The following GPD2 variants were observed in gnomAD, a reference collection of about 807,000 sequenced individuals.
GPD2 encodes the protein glycerol-3-phosphate dehydrogenase 2.
GPD2 carries 54 observed loss-of-function variants against 82.4 expected under a neutral mutation model. That is an observed-to-expected ratio of 0.66 (90% CI 0.53 to 0.82). The LOEUF is 0.82. Among genes scored for constraint, GPD2 ranks in the 40% least tolerant of loss-of-function variants. The pLI is 0.00. For synonymous variants in GPD2, 288 were observed against 306.1 expected (o/e 0.94, Z 0.62); for missense variants, 748 against 896.2 (o/e 0.83, Z 2.11).
intron 3 of GPD2, among the ~76,000 whole-genome samples, chr2:156,498,693 G>A (rs942727440): frequency 6.6e-6 from 1 of 152,072 alleles, no homozygotes; most frequent in African/African-American, 2.4e-5. Context: ...ATGGATACAC[G>A]ATACTGAAGG....
At chr2:156,429,806 C>T in the GPD2 span, among the ~76,000 whole-genome samples, 1 of 152,040 alleles carries the variant, frequency 6.6e-6, no homozygotes. Context: ...GTTAAGAATT[C>T]GTGTATCAAG....
chr2:156,515,294 TG>T (rs1012638327), intron 6 of GPD2, among the ~76,000 whole-genome samples: 14 of 151,008 alleles, frequency 9.3e-5, no homozygotes, highest in Non-Finnish European at 1.5e-4. Context: ...CCCAGCTACT[TG>T]GGGGGCTGAG....
At chr2:156,552,096 C>T (rs895408338) in intron 8 of GPD2, among the ~76,000 whole-genome samples, 1 of 152,144 alleles carries the variant, frequency 6.6e-6, no homozygotes, top group Admixed American at 6.5e-5. Context: ...CTAAGATGCA[C>T]CTAATTGGTA....
intron 1 of GPD2, among the ~76,000 whole-genome samples, chr2:156,456,094 T>C (rs910710964): frequency 6.6e-6 from 1 of 152,212 alleles, no homozygotes; most frequent in African/African-American, 2.4e-5. Context: ...CTTTTACTGC[T>C]TGATTTATCC....
At chr2:156,408,172 C>A in the GPD2 span, among the ~76,000 whole-genome samples, 1 of 151,860 alleles carries the variant, frequency 6.6e-6, no homozygotes, top group East Asian at 1.9e-4. Flanking sequence ...CCAGGCGGGT[C>A]TTGAACTCCT....
chr2:156,499,862 C>T (rs1013326179), intron 3 of GPD2, among the ~76,000 whole-genome samples: 2 of 151,220 alleles, frequency 1.3e-5, no homozygotes, highest in African/African-American at 4.9e-5. Context: ...AGTTCTGAAC[C>T]AGCTCTGAGA....
At position 156,583,601 on chromosome 2, in the gene GPD2, T is replaced by C. The variant is rs1473786100; in HGVS notation, c.*683T>C. The C allele has an allele frequency of 6.4e-6, 1 of 155,254 alleles. No homozygotes were observed. Among genetic ancestry groups the C allele is most frequent in the Non-Finnish European group, 1.4e-5 (1 of 69,770 alleles). The allele number at this position is 155,254 out of a possible 1,614,324, so 9.6% of individuals were successfully genotyped here. On this transcript the variant is annotated 3_prime_UTR_variant, in exon 17 of 17. Coordinates refer to ENST00000438166, the MANE Select transcript of GPD2 (RefSeq NM_000408.5). Reference sequence around the variant, plus strand: ...AGCTTCCAGAATCACAGGTATAAGATAAGGATAGCATTGACATTTGCTGGG... The same window carrying C: ...AGCTTCCAGAATCACAGGTATAAGACAAGGATAGCATTGACATTTGCTGGG...
intron 6 of GPD2, among the ~76,000 whole-genome samples, chr2:156,527,747 A>T (rs1685667400): frequency 6.6e-6 from 1 of 152,166 alleles, no homozygotes; most frequent in Non-Finnish European, 1.5e-5. Context: ...TATGTCAAAG[A>T]TGATTAACAT....
intron 9 of GPD2, among the ~76,000 whole-genome samples, chr2:156,561,441 C>A (rs1687174532): frequency 6.6e-6 from 1 of 152,074 alleles, no homozygotes; most frequent in African/African-American, 2.4e-5. Flanking sequence ...TTGTGCAGTA[C>A]TCTGATTGTT....
chr2:156,412,015 A>T, the GPD2 span, among the ~76,000 whole-genome samples: 70 of 152,296 alleles, frequency 4.6e-4, 1 homozygote, highest in African/African-American at 1.6e-3. Flanking sequence ...TCATTTGAAA[A>T]CACTGAAACC....
the GPD2 span, among the ~76,000 whole-genome samples, chr2:156,406,874 C>T: frequency 1.3e-5 from 2 of 152,102 alleles, no homozygotes; most frequent in Admixed American, 6.6e-5. Flanking sequence ...AAGAAACCCA[C>T]ATGTATGGTG....
At chr2:156,415,308 G>A in the GPD2 span, among the ~76,000 whole-genome samples, 699 of 151,546 alleles carry the variant, frequency 4.6e-3, 10 homozygotes, top group South Asian at 0.041. Context: ...ACACGCGCCC[G>A]CCACCACTCC....
At chr2:156,454,636 G>A (rs1198432440) in intron 1 of GPD2, among the ~76,000 whole-genome samples, 8 of 152,182 alleles carry the variant, frequency 5.3e-5, no homozygotes, top group Admixed American at 2.0e-4. Flanking sequence ...GGAACACTCA[G>A]AGAAGAGAAT....
the GPD2 span, among the ~76,000 whole-genome samples, chr2:156,411,928 G>A: frequency 6.6e-6 from 1 of 152,168 alleles, no homozygotes; most frequent in African/African-American, 2.4e-5. Context: ...TGCCTAGCCA[G>A]GAAAACCAAC....
At chr2:156,470,263 T>C (rs1372979335) in intron 1 of GPD2, among the ~76,000 whole-genome samples, 1 of 152,094 alleles carries the variant, frequency 6.6e-6, no homozygotes, top group Non-Finnish European at 1.5e-5. Flanking sequence ...GGTATGATCA[T>C]GGCTCATTGA....
chr2:156,426,016 C>G, the GPD2 span, among the ~76,000 whole-genome samples: 138,575 of 151,522 alleles, frequency 0.91, 64,672 homozygotes, highest in East Asian at 1. Context: ...TCCGCCTCCC[C>G]GGTTCACGCC....
At chr2:156,509,765 C>CTTTTTTTTTTTTTTTTTT (rs60361072) in intron 3 of GPD2, among the ~76,000 whole-genome samples, 3 of 117,382 alleles carry the variant, frequency 2.6e-5, no homozygotes, top group Non-Finnish European at 5.0e-5. Flanking sequence ...ATATGTTCTT[C>CTTTTTTTTTTTTTTTTTT]TTTTTTTTTT....
At chr2:156,426,216 C>CAT in the GPD2 span, among the ~76,000 whole-genome samples, 1 of 152,234 alleles carries the variant, frequency 6.6e-6, no homozygotes, top group Non-Finnish European at 1.5e-5. Context: ...AGCCACCACG[C>CAT]CCGGCCAAGT....
At position 156,525,976 on chromosome 2, in the gene GPD2, A is replaced by G. The variant is rs545332440; in HGVS notation, c.661+12480A>G. On this transcript the variant is annotated intron_variant, in intron 6 of 16. Transcript: ENST00000438166. ...GTATGTTCTTTTAACGTATGTATGC[A>G]TATGTGTTTATTATATGTACACTTG... Among the ~76,000 whole-genome samples, 101 of 152,274 alleles carry G rather than the reference A, an allele frequency of 6.6e-4. 1 individual carries two copies. Among genetic ancestry groups the G allele is most frequent in the Middle Eastern group, 3.4e-3 (1 of 294 alleles).
Sources: allele counts gnomAD v4.1 joint callset (sites outside exome capture counted in the v4.1 genomes callset), GRCh38; gene constraint gnomAD v4.1.1; transcripts MANE v1.5; gene names NCBI Gene and HGNC (gene_info 2026-07-23, HGNC 2026-07-21).